PRPF8: variants seen among roughly 807,000 people sequenced by gnomAD.
The protein encoded by PRPF8 is pre-mRNA processing factor 8, also known as pre-mRNA-processing-splicing factor 8.
PRPF8 carries 64 observed loss-of-function variants against 285.9 expected under a neutral mutation model. The ratio of observed to expected loss-of-function variants is 0.22; its 90% CI spans 0.18 to 0.28. The LOEUF is 0.28. Among genes scored for constraint, PRPF8 ranks in the 10% least tolerant of loss-of-function variants. The probability of loss-of-function intolerance (pLI) is 1.00; values close to 1 mark genes in which losing one functional copy is unlikely to be tolerated. For synonymous variants in PRPF8, 1,325 were observed against 1,118.2 expected (o/e 1.18, Z -3.69); for missense variants, 1,426 against 3,026.7 (o/e 0.47, Z 12.41).
Position 1,673,139 on chromosome 17 carries a change from C to T in PRPF8, c.3716G>A (p.Arg1239His), listed in dbSNP as rs1912417846. 1 of 1,614,100 alleles carries T rather than the reference C, an allele frequency of 6.2e-7. No homozygotes were observed. Among genetic ancestry groups the T allele is most frequent in the Non-Finnish European group, 8.5e-7 (1 of 1,180,054 alleles). Residue 1239 changes from arginine (R) to histidine (H), a missense_variant, in exon 24 of 43, where the codon CGC (arginine) becomes CAC (histidine). By Grantham distance (29) the Arg-to-His change is conservative. Around this residue, in one of 34 missense-constraint regions of PRPF8, gnomAD observed 1 missense variants for 30.9 expected, o/e 0.03. Coordinates refer to ENST00000304992, the MANE Select transcript of PRPF8 (RefSeq NM_006445.4). This position sits in a 1 kb window ranked among gnomAD's most constrained non-coding sequence, Gnocchi z 5.5. ...FLRVDDESMQRFHNRVRQILM... is the reference protein window; with the variant it reads ...FLRVDDESMQHFHNRVRQILM... ...AATCTGACGCACGCGGTTGTGGAAG[C>T]GCTGCATTGACTCATCGTCCACACG...
At position 1,671,813 on chromosome 17, in the gene PRPF8, T is replaced by G. The variant is rs556381834; in HGVS notation, c.3774+1268A>C. Among the ~76,000 whole-genome samples, 573 of 137,460 alleles carry G rather than the reference T, an allele frequency of 4.2e-3. 3 individuals carry two copies. Among genetic ancestry groups the G allele is most frequent in the Non-Finnish European group, 3.0e-3 (199 of 66,560 alleles). The allele number at this position is 137,460 out of a possible 152,430, so 90.2% of individuals were successfully genotyped here. A position where few individuals can be genotyped will look rare whatever the true frequency, so the allele number is the denominator to read the frequency against. ...TTGCGGTGAGCCAAGACTGCGCCAC[T>G]GCACTGCAGCCTGGGTGACAGAGCA... On this transcript the variant is annotated intron_variant, in intron 24 of 42. Transcript: ENST00000304992.
At chr17:1,683,973 G>A (rs1039597772) in intron 2 of PRPF8, among the ~76,000 whole-genome samples, 2 of 148,902 alleles carry the variant, frequency 1.3e-5, no homozygotes, top group African/African-American at 2.5e-5. Flanking sequence ...TGCAACCTCC[G>A]CCTCCTGGGT....
rs1017687590 is a variant in PRPF8, at chr17:1,673,682, G to T, written c.3446+64C>A. On this transcript the variant is annotated intron_variant, in intron 22 of 42. Coordinates refer to ENST00000304992, the MANE Select transcript of PRPF8 (RefSeq NM_006445.4). The surrounding 1 kb of genome is among the most constrained non-coding windows in gnomAD (Gnocchi z 5.5). ...TCTCCCACCCAGGACGCAGCCTCAG[G>T]TATGCCCTCTCTGGGCCCTTAGCTT... 6.2e-7 allele frequency: 1 copy of T among 1,612,258 alleles called. No individual in the cohort carries two copies. The highest frequency in any genetic ancestry group is 1.7e-5 in the Admixed American group (1 of 59,964).
chr17:1,674,014 T>C (rs1003671565), intron 21 of PRPF8, 122 bp from the exon 22 acceptor site: 4 of 1,038,906 alleles, frequency 3.9e-6, no homozygotes, highest in African/African-American at 3.2e-5. Context: ...CCGGGCTTCA[T>C]TCCATTTTAT....
rs1173330267 is a variant in PRPF8 at position 1,653,735 on chromosome 17, T to C, written c.6227+42A>G. The C allele has an allele frequency of 6.2e-7, 1 of 1,614,172 alleles. No individual in the cohort carries two copies. Among genetic ancestry groups the C allele is most frequent in the Non-Finnish European group, 8.5e-7 (1 of 1,180,028 alleles). ...TCGCTCAGCCCAGCACCTTAGGTAGTGCAGCCGGCCTTTCCATCCCCACCC... is the reference window on the plus strand; with the variant it reads ...TCGCTCAGCCCAGCACCTTAGGTAGCGCAGCCGGCCTTTCCATCCCCACCC... On this transcript the variant is annotated intron_variant, in intron 38 of 42. Transcript: ENST00000304992. The surrounding 1 kb of genome is among the most constrained non-coding windows in gnomAD (Gnocchi z 4.9).
chr17:1,659,545 A>G lies in PRPF8; in HGVS notation c.4950T>C (p.Asp1650=). 6.2e-7 allele frequency: 1 copy of G among 1,613,928 alleles called. No homozygotes were observed. The highest frequency in any genetic ancestry group is 8.5e-7 in the Non-Finnish European group (1 of 1,180,000). Residue 1650 remains aspartate (D), a synonymous_variant, in exon 32 of 43, where the codon GAT becomes GAC. Transcript: ENST00000304992. This position sits in a 1 kb window ranked among gnomAD's most constrained non-coding sequence, Gnocchi z 5.1. ...TCTGGGTGGTGGTGCTGTCCATCAC[A>G]TCCCTGAGGATGAAGAGGGTTCAAG... ...SRPSLLADSK[D]VMDSTTTQKY... is the part of the protein sequence containing the mutation.
chr17:1,656,227 G>C (rs1011707258), intron 36 of PRPF8, among the ~76,000 whole-genome samples, 165 bp downstream of exon 36: 1 of 152,140 alleles, frequency 6.6e-6, no homozygotes, highest in Non-Finnish European at 1.5e-5. Context: ...CCGGCCCCAA[G>C]AGTTGATTTT....
intron 6 of PRPF8, 134 bp from the exon 7 acceptor site, chr17:1,681,188 C>G: frequency 9.9e-7 from 1 of 1,012,792 alleles, no homozygotes; most frequent in Non-Finnish European, 1.5e-6. Context: ...AAACAATCCT[C>G]CCACAGCTCA....
In PRPF8 at chr17:1,675,024, C is replaced by T; in HGVS notation, c.3060+128G>A. ...TCCTGACCTCGTGATCTGCCCGCCTCAGCCTCCCAAAGTGCTGGGATTACA... is the reference window on the plus strand; with the variant it reads ...TCCTGACCTCGTGATCTGCCCGCCTTAGCCTCCCAAAGTGCTGGGATTACA... On this transcript the variant is annotated intron_variant, in intron 20 of 42. Coordinates refer to ENST00000304992, the MANE Select transcript of PRPF8 (RefSeq NM_006445.4). The surrounding 1 kb of genome is among the most constrained non-coding windows in gnomAD (Gnocchi z 6.0). 1 of 1,117,764 alleles carries T rather than the reference C, an allele frequency of 8.9e-7. No individual in the cohort carries two copies. The highest frequency in any genetic ancestry group is 2.5e-5 in the East Asian group (1 of 40,252). 69.2% of individuals were successfully genotyped at this position (1,117,764 alleles called of 1,614,324 possible).
rs750912508 is a variant in PRPF8 at position 1,661,319 on chromosome 17, C to T, written c.4290G>A (p.Leu1430=). The T allele has an allele frequency of 3.7e-6, 6 of 1,614,166 alleles. No individual in the cohort carries two copies. The highest frequency in any genetic ancestry group is 5.1e-6 in the Non-Finnish European group (6 of 1,180,044). ...TGACACGCCAGCCCTTATCATAAGC[C>T]AGTGTGTGCCGGTCCTTCTGGAAGA... The part of the protein sequence containing the change: ...NTLFQKDRHT[L]AYDKGWRVRT... Residue 1430 remains leucine (L), a synonymous_variant, in exon 27 of 43, where the codon CTG becomes CTA. Transcript: ENST00000304992. The surrounding 1 kb of genome is among the most constrained non-coding windows in gnomAD (Gnocchi z 7.3).
intron 24 of PRPF8, among the ~76,000 whole-genome samples, chr17:1,663,109 TATATGTGAAGTGATCC>T (rs1367075276): frequency 6.6e-6 from 1 of 152,184 alleles, no homozygotes; most frequent in Non-Finnish European, 1.5e-5. Flanking sequence ...GTTCTTGTAC[TATATGTGAAGTGATCC>T]GTAGTAGACT....
At chr17:1,665,626 G>C (rs986775843) in intron 24 of PRPF8, among the ~76,000 whole-genome samples, 2 of 151,968 alleles carry the variant, frequency 1.3e-5, no homozygotes, top group African/African-American at 4.8e-5. Flanking sequence ...GGTGGATCAC[G>C]AGGTCAAGAG....
intron 2 of PRPF8, among the ~76,000 whole-genome samples, chr17:1,684,089 G>C (rs998273338): frequency 6.6e-6 from 1 of 152,064 alleles, no homozygotes; most frequent in Non-Finnish European, 1.5e-5. Context: ...GTTTCACTGT[G>C]TTGGCCAGGC....
rs776377463 is a variant in PRPF8 at position 1,675,600 on chromosome 17, C to T, written c.2872+20G>A. On this transcript the variant is annotated intron_variant, in intron 19 of 42. Transcript: ENST00000304992. The surrounding 1 kb of genome is among the most constrained non-coding windows in gnomAD (Gnocchi z 6.0). The stretch of plus-strand genomic sequence containing the variant: ...AATTCCTGCCCCGTTCCTCACAGGG[C>T]GATCTCATGAAAGTTCTACCTTGAC... 34 of 1,613,752 alleles carry T rather than the reference C, an allele frequency of 2.1e-5. No homozygotes were observed. The highest frequency in any genetic ancestry group is 6.6e-5 in the South Asian group (6 of 91,078).
intron 37 of PRPF8, chr17:1,654,739 C>A: frequency 6.1e-6 from 1 of 163,630 alleles, no homozygotes; most frequent in Non-Finnish European, 1.3e-5. Context: ...TCAAGCAAGC[C>A]TCCTGCCTCA....
chr17:1,661,441 A>G lies in PRPF8; in HGVS notation c.4203-35T>C. 1.9e-6 allele frequency: 3 copies of G among 1,614,038 alleles called. No homozygotes were observed. Among genetic ancestry groups the G allele is most frequent in the Non-Finnish European group, 2.5e-6 (3 of 1,180,024 alleles). ...AAAGAAAGATTCAAGTCAAAACGTG[A>G]TCTCATATGAGGAGCTCAGCACTCC... On this transcript the variant is annotated intron_variant, in intron 26 of 42. Transcript: ENST00000304992. The surrounding 1 kb of genome is among the most constrained non-coding windows in gnomAD (Gnocchi z 7.3).
intron 14 of PRPF8, 80 bp downstream of exon 14, chr17:1,677,485 G>C (rs894095584): frequency 5.6e-6 from 9 of 1,597,610 alleles, no homozygotes; most frequent in Middle Eastern, 1.7e-4. Context: ...GCTCATACAA[G>C]AGCAGGGAAC....
chr17:1,677,382 G>T, intron 14 of PRPF8, 183 bp downstream of exon 14: 1 of 990,992 alleles, frequency 1.0e-6, no homozygotes, highest in Non-Finnish European at 1.5e-6. Flanking sequence ...ATGCATGACT[G>T]CCTCTCAAGG....
At chr17:1,677,806 G>T (rs1018023419) in intron 13 of PRPF8, 112 bp from the exon 14 acceptor site, 3 of 1,397,348 alleles carry the variant, frequency 2.1e-6, no homozygotes, top group Non-Finnish European at 3.0e-6. Context: ...GAGGAATGTA[G>T]GTATGGCAGT....
Sources: allele counts gnomAD v4.1 joint callset (sites outside exome capture counted in the v4.1 genomes callset), GRCh38; gene constraint gnomAD v4.1.1; regional missense constraint gnomAD v4.1.1; non-coding constraint Gnocchi (gnomAD v3.1); transcripts MANE v1.5; gene names NCBI Gene and HGNC (gene_info 2026-07-23, HGNC 2026-07-21).